The following ATP6V0A4 variants were observed in gnomAD, a reference collection of about 807,000 sequenced individuals.
ATP6V0A4 encodes the protein ATPase H+ transporting V0 subunit a4.
A neutral mutation model predicts 107.3 loss-of-function variants in ATP6V0A4; 86 were observed. That is an observed-to-expected ratio of 0.80 (90% CI 0.67 to 0.96). The LOEUF is 0.96. Ranked by LOEUF, ATP6V0A4 falls within the 40% of genes least tolerant of loss-of-function variation. The pLI, the probability that ATP6V0A4 is intolerant of heterozygous loss-of-function variation, is 0.00. For synonymous variants in ATP6V0A4, 353 were observed against 381.4 expected (o/e 0.93, Z 0.87); for missense variants, 908 against 1,045.6 (o/e 0.87, Z 1.81).
At chr7:138,742,651 A>G (rs555306903) in intron 14 of ATP6V0A4, among the ~76,000 whole-genome samples, 40 of 151,576 alleles carry the variant, frequency 2.6e-4, no homozygotes, top group African/African-American at 9.7e-4. Flanking sequence ...CAGCCTCCCA[A>G]GTAGCTGGAA....
chr7:138,740,634 G>T (rs942966356), intron 14 of ATP6V0A4, among the ~76,000 whole-genome samples: 1 of 150,538 alleles, frequency 6.6e-6, no homozygotes, highest in Non-Finnish European at 1.5e-5. Context: ...TAGAGATGGG[G>T]TTTCACCATG....
At chr7:138,763,974 A>AT (rs1358550852) in intron 5 of ATP6V0A4, among the ~76,000 whole-genome samples, 7 of 143,590 alleles carry the variant, frequency 4.9e-5, no homozygotes, top group African/African-American at 1.8e-4. Context: ...CTCAAAAAAA[A>AT]AATATATATA....
intron 20 of ATP6V0A4, among the ~76,000 whole-genome samples, chr7:138,714,715 G>A (rs571291752): frequency 3.9e-5 from 6 of 152,232 alleles, no homozygotes; most frequent in South Asian, 2.1e-4. Flanking sequence ...CTGACTCCCC[G>A]CAATGCTCAT....
intron 21 of ATP6V0A4, 147 bp downstream of exon 21, chr7:138,709,477 C>G (rs1803624076): frequency 1.4e-6 from 1 of 732,104 alleles, no homozygotes; most frequent in African/African-American, 1.8e-5. Context: ...TAATATTACA[C>G]CAACAGATGA....
chr7:138,797,913 GAGA>G (rs1274187018), intron 1 of ATP6V0A4, 118 bp downstream of exon 1: 2 of 1,407,352 alleles, frequency 1.4e-6, no homozygotes, highest in Non-Finnish European at 1.9e-6. Flanking sequence ...AGAGAGGTGA[GAGA>G]AGGTGTGACA....
intron 5 of ATP6V0A4, among the ~76,000 whole-genome samples, chr7:138,763,717 G>C (rs1344735936): frequency 6.6e-6 from 1 of 151,928 alleles, no homozygotes; most frequent in Non-Finnish European, 1.5e-5. Flanking sequence ...CAGGCACGGT[G>C]GCTCATCCTG....
chr7:138,768,313 G>A (rs1324080486), intron 5 of ATP6V0A4, among the ~76,000 whole-genome samples: 1 of 152,196 alleles, frequency 6.6e-6, no homozygotes, highest in East Asian at 1.9e-4. Context: ...CAGCTGAAAT[G>A]TCCTTGAAAA....
rs1233261241 is a variant in ATP6V0A4 at position 138,771,160 on chromosome 7, C to T, written c.88G>A (p.Gly30Arg). 6.2e-6 allele frequency: 10 copies of T among 1,614,132 alleles called. No homozygotes were observed. Among genetic ancestry groups the T allele is most frequent in the East Asian group, 2.2e-5 (1 of 44,880 alleles). Residue 30 changes from glycine to arginine, a missense_variant, in exon 3 of 22, where the codon GGA (glycine) becomes AGA (arginine). Transcript: ENST00000310018. ...EAAYCCVAEL[G>R]ELGLVQFKDL... ...TTGAACTGAACCAATCCGAGCTCTC[C>T]GAGCTCAGCCACACAGCAATATGCA...
In ATP6V0A4 at chr7:138,745,208, T is replaced by C; in HGVS notation, c.1393A>G (p.Ile465Val). The change falls in exon 14 of 22, where the codon ATC becomes GTC. Residue 465 changes from isoleucine (I) to valine (V), a missense_variant. Ile to Val is a conservative substitution (Grantham distance 29, BLOSUM62 3). Coordinates refer to ENST00000310018, the MANE Select transcript of ATP6V0A4 (RefSeq NM_020632.3). ...GACTTGGAGAAGCAGTCATTGTAGA[T>C]CAAACCCGTGTAGATGGAGAAGATG... Reference protein sequence around the residue: ...MGIFSIYTGLIYNDCFSKSLN... With the variant: ...MGIFSIYTGLVYNDCFSKSLN... 6.2e-7 allele frequency: 1 copy of C among 1,614,142 alleles called. No individual in the cohort carries two copies. Among genetic ancestry groups the C allele is most frequent in the Non-Finnish European group, 8.5e-7 (1 of 1,180,030 alleles).
At chr7:138,768,645 G>A (rs1304654084) in intron 5 of ATP6V0A4, 135 bp downstream of exon 5, 1 of 1,087,372 alleles carries the variant, frequency 9.2e-7, no homozygotes, top group Non-Finnish European at 1.3e-6. Context: ...CCCTGAGAGG[G>A]AGACGACCAT....
chr7:138,729,086 ACT>A (rs1310511262), intron 17 of ATP6V0A4, among the ~76,000 whole-genome samples: 1 of 152,156 alleles, frequency 6.6e-6, no homozygotes, highest in East Asian at 1.9e-4. Context: ...GACACTGGAA[ACT>A]CTCTGTATTC....
In ATP6V0A4 at chr7:138,745,200, A is replaced by G. The variant is rs753815745; in HGVS notation, c.1401T>C (p.Asn467=). Residue 467 remains asparagine (N), a synonymous_variant, in exon 14 of 22, where the codon AAT becomes AAC. Transcript: ENST00000310018. ...IFSIYTGLIY[N]DCFSKSLNIF... ...TGTTCAAGGACTTGGAGAAGCAGTC[A>G]TTGTAGATCAAACCCGTGTAGATGG... The G allele has an allele frequency of 3.7e-6, 6 of 1,614,106 alleles. No individual in the cohort carries two copies. Among genetic ancestry groups the G allele is most frequent in the Non-Finnish European group, 5.1e-6 (6 of 1,180,038 alleles).
intron 11 of ATP6V0A4, among the ~76,000 whole-genome samples, chr7:138,750,044 T>C (rs575546092): frequency 6.6e-6 from 1 of 152,298 alleles, no homozygotes; most frequent in South Asian, 2.1e-4. Context: ...CAAAAAGCAC[T>C]ATTTTACTCA....
chr7:138,737,566 C>T (rs10235323), intron 15 of ATP6V0A4, among the ~76,000 whole-genome samples: 91,757 of 149,044 alleles, frequency 0.62, 28,978 homozygotes, highest in East Asian at 0.92. Context: ...AGGCAACTCC[C>T]GCTTTTCTTT....
intron 19 of ATP6V0A4, among the ~76,000 whole-genome samples, chr7:138,721,321 C>T (rs1283269145): frequency 1.3e-5 from 2 of 152,046 alleles, no homozygotes; most frequent in African/African-American, 2.4e-5. Context: ...GGCAGATCAC[C>T]TGAGGTCAGG....
chr7:138,744,507 A>C (rs1373523306), intron 14 of ATP6V0A4, among the ~76,000 whole-genome samples: 1 of 149,950 alleles, frequency 6.7e-6, no homozygotes, highest in East Asian at 2.0e-4. Context: ...CAAAGTGTTG[A>C]GATTACAGGC....
intron 2 of ATP6V0A4, among the ~76,000 whole-genome samples, chr7:138,784,239 TATATATATATATACATATATATATATAC>T (rs1320407494): frequency 3.1e-4 from 3 of 9,636 alleles, no homozygotes; most frequent in Admixed American, 1.5e-3. Context: ...TATATACGTA[TATATATATATATACATATATATATATAC>T]ATATATATAT....
intron 19 of ATP6V0A4, among the ~76,000 whole-genome samples, chr7:138,717,490 A>G (rs1264327961): frequency 6.6e-6 from 1 of 151,988 alleles, no homozygotes; most frequent in African/African-American, 2.4e-5. Context: ...GGTTGCAGTG[A>G]GCCGAGATCT....
chr7:138,721,317 T>C (rs1300599035), intron 19 of ATP6V0A4, among the ~76,000 whole-genome samples: 1 of 152,140 alleles, frequency 6.6e-6, no homozygotes, highest in Non-Finnish European at 1.5e-5. Context: ...GGCAGGCAGA[T>C]CACCTGAGGT....
Sources: gnomAD v4.1 joint callset for allele counts (sites outside exome capture counted in the v4.1 genomes callset) on GRCh38, gnomAD v4.1.1 for gene constraint, MANE v1.5 for transcripts, NCBI Gene and HGNC (gene_info 2026-07-23, HGNC 2026-07-21) for gene names.